Variants in TRAK1 observed in about 807,000 individuals in gnomAD.
TRAK1 encodes trafficking kinesin-binding protein 1.
A neutral mutation model predicts 92.1 loss-of-function variants in TRAK1; 33 were observed. That is an observed-to-expected ratio of 0.36 (90% CI 0.27 to 0.48). The LOEUF is 0.48. Among genes scored for constraint, TRAK1 ranks in the 20% least tolerant of loss-of-function variants. The probability of loss-of-function intolerance (pLI) is 0.99; values close to 1 mark genes in which losing one functional copy is unlikely to be tolerated. For missense variants in TRAK1, 1,123 were observed against 1,257.9 expected, an observed-to-expected ratio of 0.89 and a Z score of 1.62; for synonymous variants, 521 against 517.3, an observed-to-expected ratio of 1.01 and a Z score of -0.10.
chr3:42,202,568 AGAG>A lies in TRAK1; in HGVS notation c.1561_1563del (p.Glu521del), dbSNP rs1264717815. On this transcript the variant is annotated inframe_deletion, in exon 13 of 16. Transcript: ENST00000327628. This position sits in a 1 kb window ranked among gnomAD's most constrained non-coding sequence, Gnocchi z 6.1. ...AGAGGAGGTTCTTTGAGGAGGAGCA[AGAG>A]AGGAAGCTCCAGGAGCTGGCGGAGA... is the stretch of plus-strand genomic sequence containing the variant. The A allele has an allele frequency of 6.3e-7, 1 of 1,585,530 alleles. No homozygotes were observed. Among genetic ancestry groups the A allele is most frequent in the Non-Finnish European group, 8.6e-7 (1 of 1,159,790 alleles).
intron 1 of TRAK1, among the ~76,000 whole-genome samples, chr3:42,068,341 T>C (rs1176840891): frequency 1.3e-5 from 2 of 152,130 alleles, no homozygotes; most frequent in Non-Finnish European, 2.9e-5. Context: ...TCTTTTTTAA[T>C]CTTTTGTAGA....
chr3:42,017,661 A>G (rs989711527), intron 1 of TRAK1, among the ~76,000 whole-genome samples: 10 of 152,182 alleles, frequency 6.6e-5, no homozygotes, highest in Non-Finnish European at 1.0e-4. Context: ...CAGAATACCA[A>G]TGATGTTGAG....
In TRAK1 at chr3:42,193,101, A is replaced by T; in HGVS notation, c.796A>T (p.Ile266Phe). 1.9e-6 allele frequency: 3 copies of T among 1,614,156 alleles called. No homozygotes were observed. The highest frequency in any genetic ancestry group is 2.5e-6 in the Non-Finnish European group (3 of 1,180,006). ...GGATGCCAATGTCCAGATTGCTAGT[A>T]TCTCAGAGGAACTGGCCAAGAAGAC... ...LRDANVQIAS[I>F]SEELAKKTED... The change falls in exon 8 of 16, where the codon ATC becomes TTC. Residue 266 changes from isoleucine (I) to phenylalanine (F), a missense_variant. Around this residue, in one of 3 missense-constraint regions of TRAK1, gnomAD observed 686 missense variants for 747.6 expected, o/e 0.92. Coordinates refer to ENST00000327628, the MANE Select transcript of TRAK1 (RefSeq NM_001042646.3).
Position 42,223,612 on chromosome 3 carries a change from G to A in TRAK1, c.2737G>A (p.Gly913Ser). Residue 913 changes from glycine (G) to serine (S), a missense_variant, in exon 16 of 16, where the codon GGC (glycine) becomes AGC (serine). Physicochemically the swap from Gly to Ser is moderately conservative, Grantham distance 56 (BLOSUM62 0). This residue lies in a region of TRAK1 where 401 missense variants were observed against 438.9 expected (regional missense o/e 0.91). Coordinates refer to ENST00000327628, the MANE Select transcript of TRAK1 (RefSeq NM_001042646.3). The surrounding 1 kb of genome is among the most constrained non-coding windows in gnomAD (Gnocchi z 6.1). ...CATCGGTGGGCTGCAGCTCAATAGTGGCATCCGGCGGAATCGCAGCTTCCC... is the reference window on the plus strand; with the variant it reads ...CATCGGTGGGCTGCAGCTCAATAGTAGCATCCGGCGGAATCGCAGCTTCCC... The part of the protein sequence containing the change: ...SAIGGLQLNS[G>S]IRRNRSFPTM... The A allele has an allele frequency of 6.2e-7, 1 of 1,613,904 alleles. No homozygotes were observed. The highest frequency in any genetic ancestry group is 8.5e-7 in the Non-Finnish European group (1 of 1,179,996).
chr3:42,218,599 C>T, intron 14 of TRAK1: 1 of 985,290 alleles, frequency 1.0e-6, no homozygotes, highest in Non-Finnish European at 1.2e-6. Flanking sequence ...CCCATAGACT[C>T]TGTTCCTTGT....
intron 2 of TRAK1, among the ~76,000 whole-genome samples, chr3:42,141,333 G>A (rs1325502102): frequency 6.6e-6 from 1 of 152,156 alleles, no homozygotes; most frequent in African/African-American, 2.4e-5. Flanking sequence ...TTCTAGTAAT[G>A]ACAGCAAAAC....
chr3:42,085,740 C>T (rs182309820), upstream of TRAK1, among the ~76,000 whole-genome samples: 3 of 152,280 alleles, frequency 2.0e-5, no homozygotes, highest in East Asian at 3.9e-4. Flanking sequence ...TGGGTGTGGT[C>T]TCAGGACGCC....
At chr3:42,214,316 G>A (rs941928695) in intron 14 of TRAK1, among the ~76,000 whole-genome samples, 2 of 152,158 alleles carry the variant, frequency 1.3e-5, no homozygotes, top group African/African-American at 2.4e-5. Flanking sequence ...CTCTTGTGCT[G>A]GCCTTGAACG....
intron 13 of TRAK1, among the ~76,000 whole-genome samples, chr3:42,207,133 A>G (rs1046039130): frequency 2.0e-5 from 3 of 152,082 alleles, no homozygotes; most frequent in African/African-American, 7.2e-5. Flanking sequence ...CATATTGTAC[A>G]TGGGGTTTTC....
chr3:42,148,765 C>A (rs1699618679), intron 2 of TRAK1, among the ~76,000 whole-genome samples: 1 of 152,142 alleles, frequency 6.6e-6, no homozygotes, highest in Non-Finnish European at 1.5e-5. Context: ...AAAATGTTTC[C>A]ATTTTCTAAG....
chr3:42,137,080 T>C (rs2149199610), intron 2 of TRAK1, among the ~76,000 whole-genome samples: 1 of 117,326 alleles, frequency 8.5e-6, no homozygotes, highest in East Asian at 2.3e-4. Context: ...TTTTGTGAGA[T>C]TTTTTTCTAG....
At chr3:42,219,288 G>A (rs1184836073) in intron 14 of TRAK1, 1 of 985,014 alleles carries the variant, frequency 1.0e-6, no homozygotes, top group African/African-American at 1.8e-5. Flanking sequence ...CTGGAATTTG[G>A]TGCTCTGCAG....
At chr3:42,029,561 T>A (rs1467961629) in intron 1 of TRAK1, among the ~76,000 whole-genome samples, 1 of 151,516 alleles carries the variant, frequency 6.6e-6, no homozygotes, top group African/African-American at 2.4e-5. Flanking sequence ...TTTTTTTTTT[T>A]TTTTTTGAGA....
upstream of TRAK1, among the ~76,000 whole-genome samples, chr3:42,088,962 C>T (rs1425632366): frequency 2.6e-5 from 4 of 152,190 alleles, no homozygotes; most frequent in Non-Finnish European, 5.9e-5. Flanking sequence ...ACTGGCCACT[C>T]GGTGGTTTCT....
intron 1 of TRAK1, among the ~76,000 whole-genome samples, chr3:42,104,559 C>T (rs1302628968): frequency 6.6e-6 from 1 of 152,210 alleles, no homozygotes; most frequent in Non-Finnish European, 1.5e-5. Context: ...TCTGCAGCCT[C>T]CGCTGGTGAT....
At chr3:42,185,540 G>C (rs965893461) in intron 4 of TRAK1, among the ~76,000 whole-genome samples, 1 of 152,138 alleles carries the variant, frequency 6.6e-6, no homozygotes, top group Non-Finnish European at 1.5e-5. Flanking sequence ...AGATGGGGTT[G>C]CTAGGGCAAG....
chr3:42,149,441 T>C, intron 2 of TRAK1: 1 of 1,525,196 alleles, frequency 6.6e-7, no homozygotes, highest in South Asian at 1.2e-5. Flanking sequence ...TATTCTTCTG[T>C]CCAGTATTCT....
intron 5 of TRAK1, among the ~76,000 whole-genome samples, chr3:42,188,654 G>T (rs572039658): frequency 6.6e-6 from 1 of 152,226 alleles, no homozygotes; most frequent in African/African-American, 2.4e-5. Context: ...GTAAAATGGA[G>T]ATAACAGTAG....
At chr3:42,146,566 A>T (rs1473262563) in intron 2 of TRAK1, among the ~76,000 whole-genome samples, 2 of 151,804 alleles carry the variant, frequency 1.3e-5, no homozygotes, top group East Asian at 3.9e-4. Flanking sequence ...TTATTTTTTT[A>T]GTTTTTGGGG....
Sources: allele counts gnomAD v4.1 joint callset (sites outside exome capture counted in the v4.1 genomes callset), GRCh38; gene constraint gnomAD v4.1.1; regional missense constraint gnomAD v4.1.1; non-coding constraint Gnocchi (gnomAD v3.1); transcripts MANE v1.5; gene names NCBI Gene and HGNC (gene_info 2026-07-23, HGNC 2026-07-21).